GLI3: variants seen among roughly 807,000 people sequenced by gnomAD.
GLI3 encodes the protein transcription activator GLI3.
Under a neutral mutation model 100.8 loss-of-function variants are expected in GLI3, and 20 were observed. The observed-to-expected ratio is 0.20, with a 90% CI of 0.14 to 0.29. The LOEUF (loss-of-function observed/expected upper bound fraction) is 0.29. Ranked by LOEUF, GLI3 falls within the 10% of genes least tolerant of loss-of-function variation. The pLI is 1.00. For missense variants in GLI3, 2,040 were observed against 2,128.5 expected (o/e 0.96, Z 0.82); for synonymous variants, 938 against 860.5 (o/e 1.09, Z -1.58).
chr7:42,208,375 T>C lies in GLI3; in HGVS notation c.124+14755A>G, dbSNP rs118190319. Among the ~76,000 whole-genome samples, 1,516 of 152,248 alleles carry C rather than the reference T, an allele frequency of 1.0e-2. 16 individuals are homozygous for C. The highest frequency in any genetic ancestry group is 0.017 in the Non-Finnish European group (1,182 of 67,992). ...AATTATTTTAATAATTTCTATATAA[T>C]AAACCATCTAATCTTCGTTAGATGA... On this transcript the variant is annotated intron_variant, in intron 2 of 14. Coordinates refer to ENST00000395925, the MANE Select transcript of GLI3 (RefSeq NM_000168.6).
chr7:41,969,959 T>C (rs1298158136), intron 13 of GLI3, among the ~76,000 whole-genome samples: 1 of 152,146 alleles, frequency 6.6e-6, no homozygotes, highest in South Asian at 2.1e-4. Context: ...GAACAATGAA[T>C]TTCACCAACT....
intron 2 of GLI3, among the ~76,000 whole-genome samples, chr7:42,169,469 G>T (rs912639871): frequency 6.6e-6 from 1 of 152,144 alleles, no homozygotes; most frequent in South Asian, 2.1e-4. Context: ...TGCTGGTAAA[G>T]GTTTAATAAG....
intron 11 of GLI3, 79 bp downstream of exon 11, chr7:41,978,520 G>A (rs1488039637): frequency 5.1e-6 from 7 of 1,361,504 alleles, no homozygotes; most frequent in Admixed American, 5.0e-5. Context: ...CTTCCCCTGA[G>A]CTGGTGTCAT....
At chr7:42,004,533 C>G (rs911353838) in intron 10 of GLI3, among the ~76,000 whole-genome samples, 9 of 152,008 alleles carry the variant, frequency 5.9e-5, no homozygotes, top group Non-Finnish European at 1.2e-4. Context: ...CAGAAAAAAA[C>G]TTCCTACCTA....
intron 2 of GLI3, among the ~76,000 whole-genome samples, chr7:42,211,084 C>T (rs1788263091): frequency 6.6e-6 from 1 of 150,860 alleles, no homozygotes; most frequent in African/African-American, 2.5e-5. Flanking sequence ...TTGGGCCAAA[C>T]AGATGGATAA....
intron 10 of GLI3, among the ~76,000 whole-genome samples, chr7:42,019,009 A>ATTTGACT (rs1358801935): frequency 5.3e-5 from 8 of 152,192 alleles, no homozygotes. Context: ...TTTTAAAATC[A>ATTTGACT]TTTGACTTTT....
At chr7:42,099,697 TA>T (rs961307328) in intron 3 of GLI3, among the ~76,000 whole-genome samples, 1 of 152,042 alleles carries the variant, frequency 6.6e-6, no homozygotes, top group African/African-American at 2.4e-5. Context: ...CTCACTAATT[TA>T]AAAAAAATTA....
At chr7:42,225,033 G>C (rs1756099419) in intron 1 of GLI3, among the ~76,000 whole-genome samples, 1 of 152,148 alleles carries the variant, frequency 6.6e-6, no homozygotes, top group African/African-American at 2.4e-5. Context: ...CAAGAATCTG[G>C]ACAGAGAACC....
At chr7:42,120,104 T>A (rs2128770815) in intron 3 of GLI3, among the ~76,000 whole-genome samples, 1 of 152,272 alleles carries the variant, frequency 6.6e-6, no homozygotes, top group South Asian at 2.1e-4. Context: ...GGGATGATAA[T>A]TGTGTGGAGT....
chr7:41,999,919 C>G (rs1788238933), intron 10 of GLI3, among the ~76,000 whole-genome samples: 2 of 152,090 alleles, frequency 1.3e-5, no homozygotes, highest in Admixed American at 1.3e-4. Flanking sequence ...AGCAGGGGAA[C>G]TGAAAGCCAC....
intron 9 of GLI3, 34 bp from the exon 10 acceptor site, chr7:42,023,642 A>G: frequency 6.3e-7 from 1 of 1,594,316 alleles, no homozygotes; most frequent in Non-Finnish European, 8.6e-7. Context: ...GGGAACAGAG[A>G]AGGGGGAAGA....
intron 2 of GLI3, among the ~76,000 whole-genome samples, chr7:42,156,541 C>G (rs1787008173): frequency 1.3e-5 from 2 of 152,206 alleles, no homozygotes. Context: ...TTTGCACATA[C>G]AGACCTGAGC....
At chr7:42,219,135 C>T (rs879324843) in intron 2 of GLI3, among the ~76,000 whole-genome samples, 2 of 152,174 alleles carry the variant, frequency 1.3e-5, no homozygotes, top group African/African-American at 2.4e-5. Flanking sequence ...TGGACTTGGA[C>T]ATTTTAAAGT....
At chr7:42,007,017 C>T (rs1788476425) in intron 10 of GLI3, among the ~76,000 whole-genome samples, 1 of 151,988 alleles carries the variant, frequency 6.6e-6, no homozygotes, top group African/African-American at 2.4e-5. Flanking sequence ...AGGTGAGGCT[C>T]TCCCAGGTGT....
At chr7:42,247,451 G>A (rs1392304297) in intron 1 of GLI3, among the ~76,000 whole-genome samples, 5 of 152,166 alleles carry the variant, frequency 3.3e-5, no homozygotes, top group African/African-American at 1.2e-4. Context: ...TGTATTGAGA[G>A]ACAGCAATTC....
chr7:42,052,564 G>T (rs1784372972), intron 4 of GLI3, among the ~76,000 whole-genome samples: 2 of 152,160 alleles, frequency 1.3e-5, no homozygotes, highest in Admixed American at 1.3e-4. Context: ...TCCAGGAGCT[G>T]CCGTGAGGGC....
At chr7:42,092,983 T>C (rs960172713) in intron 3 of GLI3, among the ~76,000 whole-genome samples, 4 of 151,662 alleles carry the variant, frequency 2.6e-5, no homozygotes, top group African/African-American at 9.7e-5. Context: ...CTGGCTAATT[T>C]TTGCATTTTT....
At chr7:41,969,194 G>T (rs1787303808) in intron 13 of GLI3, among the ~76,000 whole-genome samples, 1 of 152,160 alleles carries the variant, frequency 6.6e-6, no homozygotes, top group African/African-American at 2.4e-5. Flanking sequence ...TTTAGTGACT[G>T]CCCAAAGTCA....
At chr7:42,151,380 T>C (rs1583601905) in intron 2 of GLI3, 1 of 152,228 alleles carries the variant, frequency 6.6e-6, no homozygotes, top group South Asian at 2.1e-4. Flanking sequence ...CCTGCTCTTA[T>C]AAATTTAGCA....
Sources: allele counts gnomAD v4.1 joint callset (sites outside exome capture counted in the v4.1 genomes callset), GRCh38; gene constraint gnomAD v4.1.1; transcripts MANE v1.5; gene names NCBI Gene and HGNC (gene_info 2026-07-23, HGNC 2026-07-21).